MTMR3: variants seen among roughly 807,000 people sequenced by gnomAD.
MTMR3 encodes myotubularin related protein 3.
A neutral mutation model predicts 132.4 loss-of-function variants in MTMR3; 32 were observed. The ratio of observed to expected loss-of-function variants is 0.24; its 90% confidence interval spans 0.18 to 0.32. The LOEUF (loss-of-function observed/expected upper bound fraction) is 0.32, where lower values mean the gene tolerates loss of function less well. MTMR3 is among the 10% of genes least tolerant of loss of function. The probability of loss-of-function intolerance (pLI) is 1.00; values close to 1 mark genes in which losing one functional copy is unlikely to be tolerated. For missense variants in MTMR3, 1,216 were observed against 1,489.6 expected (o/e 0.82, Z 3.02); for synonymous variants, 556 against 550.3 (o/e 1.01, Z -0.14).
chr22:29,937,419 A>T (rs75335658), intron 1 of MTMR3, among the ~76,000 whole-genome samples: 4 of 144,298 alleles, frequency 2.8e-5, no homozygotes, highest in East Asian at 4.0e-4. Context: ...AACTTTGCAG[A>T]TTTTTTTTTT....
At position 29,971,005 on chromosome 22, in the gene MTMR3, T is replaced by G; in HGVS notation, c.-55T>G. ...CACCATAAGGGAAAGAAGAGAGCCT[T>G]GTTGGACACTGAAGAAGGGACGGGG... On this transcript the variant is annotated 5_prime_UTR_variant, in exon 3 of 20. Coordinates refer to ENST00000401950, the MANE Select transcript of MTMR3 (RefSeq NM_021090.4). 1 of 1,426,966 alleles carries G rather than the reference T, an allele frequency of 7.0e-7. No individual in the cohort carries two copies. Among genetic ancestry groups the G allele is most frequent in the Non-Finnish European group, 9.4e-7 (1 of 1,062,052 alleles). 88.4% of individuals were successfully genotyped at this position (1,426,966 alleles called of 1,614,324 possible). A position where few individuals can be genotyped will look rare whatever the true frequency, so the allele number is the denominator to read the frequency against.
chr22:30,027,019 TGAG>T lies in MTMR3; in HGVS notation c.*1222_*1224del, dbSNP rs892531920. The T allele has an allele frequency of 1.3e-5, 2 of 152,904 alleles. No homozygotes were observed. The highest frequency in any genetic ancestry group is 6.5e-5 in the Admixed American group (1 of 15,302). 9.5% of individuals were successfully genotyped at this position (152,904 alleles called of 1,614,324 possible). A position where few individuals can be genotyped will look rare whatever the true frequency, so the allele number is the denominator to read the frequency against. On this transcript the variant is annotated 3_prime_UTR_variant, in exon 20 of 20. Coordinates refer to ENST00000401950, the MANE Select transcript of MTMR3 (RefSeq NM_021090.4). ...GTTCCTTAGAGAAGTGACATGGCCT[TGAG>T]GAGATTCAGGGCACCTTTCCTCAGT...
At chr22:30,025,521 G>T in intron 19 of MTMR3, 109 bp from the exon 20 acceptor site, 1 of 1,161,880 alleles carries the variant, frequency 8.6e-7, no homozygotes, top group Non-Finnish European at 1.3e-6. Context: ...ATCTCAAGGA[G>T]CTCCAGCACA....
At chr22:29,891,384 A>T (rs115367638) in intron 1 of MTMR3, among the ~76,000 whole-genome samples, 1 of 147,486 alleles carries the variant, frequency 6.8e-6, no homozygotes, top group African/African-American at 2.5e-5. Context: ...TGTATACATA[A>T]TATATAATAT....
chr22:29,983,415 A>G (rs1305071076), intron 5 of MTMR3: 1 of 152,126 alleles, frequency 6.6e-6, no homozygotes, highest in Non-Finnish European at 1.5e-5. Flanking sequence ...TCCTGGGCTC[A>G]AGTTATTCTC....
chr22:29,889,460 T>C (rs760311731), intron 1 of MTMR3, among the ~76,000 whole-genome samples: 28 of 152,004 alleles, frequency 1.8e-4, no homozygotes, highest in Middle Eastern at 3.4e-3. Flanking sequence ...CTAATTTTTG[T>C]ATTTTTAGTA....
intron 12 of MTMR3, chr22:30,009,545 A>G (rs2067359004): frequency 6.1e-6 from 1 of 164,122 alleles, no homozygotes; most frequent in African/African-American, 2.4e-5. Context: ...AAAAGTCAGA[A>G]TTTATTCATC....
At chr22:29,896,143 C>A (rs1435819111) in intron 1 of MTMR3, among the ~76,000 whole-genome samples, 1 of 152,036 alleles carries the variant, frequency 6.6e-6, no homozygotes, top group African/African-American at 2.4e-5. Flanking sequence ...AACCCCATGT[C>A]TACTAAAAAT....
chr22:29,953,606 A>AT, intron 1 of MTMR3, among the ~76,000 whole-genome samples: 1 of 152,202 alleles, frequency 6.6e-6, no homozygotes, highest in East Asian at 1.9e-4. Flanking sequence ...ATACTGTAGT[A>AT]TTTAATAATT....
At chr22:29,894,130 C>T (rs2064849256) in intron 1 of MTMR3, among the ~76,000 whole-genome samples, 1 of 152,174 alleles carries the variant, frequency 6.6e-6, no homozygotes, top group Non-Finnish European at 1.5e-5. Context: ...CAGGTGTGAG[C>T]CACCACGCTC....
intron 1 of MTMR3, among the ~76,000 whole-genome samples, chr22:29,941,900 T>A (rs1430877527): frequency 1.3e-5 from 2 of 152,150 alleles, no homozygotes; most frequent in Non-Finnish European, 1.5e-5. Flanking sequence ...GAAGATCCCT[T>A]GAGTCCCAGG....
At chr22:29,927,577 G>A (rs1408156489) in intron 1 of MTMR3, among the ~76,000 whole-genome samples, 2 of 151,562 alleles carry the variant, frequency 1.3e-5, no homozygotes, top group East Asian at 1.9e-4. Context: ...TTTTAATTTC[G>A]AGGTGTTTAG....
chr22:29,963,414 T>G (rs550820866), intron 2 of MTMR3, among the ~76,000 whole-genome samples: 1 of 145,016 alleles, frequency 6.9e-6, no homozygotes, highest in Admixed American at 7.0e-5. Flanking sequence ...TTTTTTGAGA[T>G]GAGTCTTGCT....
At chr22:30,009,605 G>C (rs1374295310) in intron 12 of MTMR3, 2 of 153,898 alleles carry the variant, frequency 1.3e-5, no homozygotes, top group East Asian at 1.9e-4. Flanking sequence ...TTTTACATCT[G>C]CTTTCAATTT....
intron 1 of MTMR3, among the ~76,000 whole-genome samples, chr22:29,938,663 T>C (rs776503669): frequency 7.2e-5 from 11 of 152,192 alleles, no homozygotes; most frequent in African/African-American, 2.4e-4. Flanking sequence ...GTCTCTGATG[T>C]GGAACCATAT....
chr22:29,960,448 A>G (rs2066288014), intron 2 of MTMR3, among the ~76,000 whole-genome samples: 3 of 152,294 alleles, frequency 2.0e-5, no homozygotes, highest in African/African-American at 7.2e-5. Context: ...AAATGGTTCA[A>G]AAAAAATGCA....
chr22:29,902,186 A>G (rs2065013398), intron 1 of MTMR3, among the ~76,000 whole-genome samples: 1 of 152,184 alleles, frequency 6.6e-6, no homozygotes, highest in East Asian at 1.9e-4. Context: ...GAATGAGAAG[A>G]ATCTGTTTGT....
At chr22:29,961,554 A>C (rs964474106) in intron 2 of MTMR3, among the ~76,000 whole-genome samples, 2 of 152,202 alleles carry the variant, frequency 1.3e-5, no homozygotes, top group African/African-American at 4.8e-5. Flanking sequence ...CAACAGACCC[A>C]AGATACGATG....
chr22:29,964,362 A>G (rs2066373447), intron 2 of MTMR3, among the ~76,000 whole-genome samples: 1 of 152,166 alleles, frequency 6.6e-6, no homozygotes, highest in Non-Finnish European at 1.5e-5. Context: ...ATTTTACATA[A>G]TACCCAGAGT....
Sources: gnomAD v4.1 joint callset for allele counts (sites outside exome capture counted in the v4.1 genomes callset) on GRCh38, gnomAD v4.1.1 for gene constraint, MANE v1.5 for transcripts, NCBI Gene and HGNC (gene_info 2026-07-23, HGNC 2026-07-21) for gene names.